CTTNBP2: variants seen among roughly 807,000 people sequenced by gnomAD.
CTTNBP2 encodes the protein cortactin-binding protein 2.
In CTTNBP2, 108 loss-of-function variants were observed where a neutral mutation model predicts 156.9. The observed-to-expected ratio is 0.69, with a 90% CI of 0.59 to 0.81. The LOEUF is 0.81. Among genes scored for constraint, CTTNBP2 ranks in the 30% least tolerant of loss-of-function variants. The pLI is 0.00. For missense variants in CTTNBP2, 1,924 were observed against 2,035.4 expected, an observed-to-expected ratio of 0.95 and a Z score of 1.05; for synonymous variants, 767 against 751.8, an observed-to-expected ratio of 1.02 and a Z score of -0.33.
chr7:117,756,469 C>T (rs1331235259), intron 12 of CTTNBP2, 86 bp downstream of exon 12: 1 of 1,014,316 alleles, frequency 9.9e-7, no homozygotes, highest in Non-Finnish European at 1.6e-6. Flanking sequence ...GGCTTGCACT[C>T]CTCCTTTAAA....
At chr7:117,736,203 C>T (rs1176219981) in intron 14 of CTTNBP2, among the ~76,000 whole-genome samples, 1 of 152,018 alleles carries the variant, frequency 6.6e-6, no homozygotes, top group African/African-American at 2.4e-5. Flanking sequence ...GCTGGTAATC[C>T]CAGCACTTTG....
At chr7:117,737,035 G>C (rs746527527) in intron 14 of CTTNBP2, among the ~76,000 whole-genome samples, 7 of 152,016 alleles carry the variant, frequency 4.6e-5, no homozygotes, top group Non-Finnish European at 1.0e-4. Context: ...GACAGAAATG[G>C]CTCTTCTGGA....
chr7:117,720,950 T>TA, intron 20 of CTTNBP2, 117 bp downstream of exon 20: 1 of 756,782 alleles, frequency 1.3e-6, no homozygotes. Context: ...ATAACTTTTT[T>TA]AAAACCATAT....
chr7:117,717,896 A>G (rs1794532706), intron 22 of CTTNBP2, 122 bp downstream of exon 22: 2 of 647,578 alleles, frequency 3.1e-6, no homozygotes, highest in African/African-American at 3.7e-5. Context: ...CCTTTATCCT[A>G]TTTCTCAGTT....
At position 117,728,269 on chromosome 7, in the gene CTTNBP2, TAG is replaced by T; in HGVS notation, c.3877-4_3877-3del. ...GGGGGAGGGCGCCTGACCTTTGAACTAGAGAGACAGGGAGGTGGAACCCAGGG... is the reference window on the plus strand; with the variant it reads ...GGGGGAGGGCGCCTGACCTTTGAACTAGAGACAGGGAGGTGGAACCCAGGG... On this transcript the variant is annotated splice_region_variant and splice_polypyrimidine_tract_variant and intron_variant, in intron 16 of 22. Transcript: ENST00000160373. 1 of 1,605,416 alleles carries T rather than the reference TAG, an allele frequency of 6.2e-7. No individual in the cohort carries two copies. The highest frequency in any genetic ancestry group is 8.5e-7 in the Non-Finnish European group (1 of 1,175,360).
intron 12 of CTTNBP2, among the ~76,000 whole-genome samples, chr7:117,749,142 C>G (rs1796492774): frequency 6.6e-6 from 1 of 152,226 alleles, no homozygotes; most frequent in African/African-American, 2.4e-5. Context: ...AGGGTGTGTT[C>G]TTCCCTGAGT....
rs201419286 is a variant in CTTNBP2, at chr7:117,847,819, CTTTTTTTTTTTTTT to C, written c.189+13376_189+13389del. 7.3e-4 allele frequency among the ~76,000 whole-genome samples: 67 copies of C among 91,342 alleles called. 1 individual carries two copies. Among genetic ancestry groups the C allele is most frequent in the East Asian group, 2.4e-3 (9 of 3,740 alleles). The allele number at this position is 91,342 out of a possible 152,430, so 59.9% of individuals were successfully genotyped here. On this transcript the variant is annotated intron_variant, in intron 2 of 22. Coordinates refer to ENST00000160373, the MANE Select transcript of CTTNBP2 (RefSeq NM_033427.3). ...TTTTTATAGATCTTCTTTGCCTAACCTTTTTTTTTTTTTTTTTTTTTTTTTTTTTTTGAGACAGA... is the reference window on the plus strand; with the variant it reads ...TTTTTATAGATCTTCTTTGCCTAACCTTTTTTTTTTTTTTTTTGAGACAGA...
At chr7:117,870,835 A>G (rs1804544580) in intron 1 of CTTNBP2, among the ~76,000 whole-genome samples, 2 of 152,244 alleles carry the variant, frequency 1.3e-5, no homozygotes, top group Non-Finnish European at 2.9e-5. Flanking sequence ...TGAATAATGT[A>G]GCTGTTACCC....
At position 117,718,111 on chromosome 7, in the gene CTTNBP2, A is replaced by AT; in HGVS notation, c.4652dup (p.Asp1551GlufsTer5). The AT allele has an allele frequency of 6.2e-7, 1 of 1,609,588 alleles. No homozygotes were observed. Among genetic ancestry groups the AT allele is most frequent in the Admixed American group, 1.7e-5 (1 of 59,956 alleles). The stretch of plus-strand genomic sequence containing the variant: ...CAAACATCCTTAAATCATCCCTGGA[A>AT]TCAGCAATCTAGAAAATACAGAATT... On this transcript the variant is annotated frameshift_variant, in exon 22 of 23. Transcript: ENST00000160373. LOFTEE classifies it high-confidence loss of function.
chr7:117,873,033 G>T (rs576298880), intron 1 of CTTNBP2, among the ~76,000 whole-genome samples: 1 of 152,286 alleles, frequency 6.6e-6, no homozygotes, highest in South Asian at 2.1e-4. Context: ...AGCGGAGGGA[G>T]TGGGCATAGG....
chr7:117,804,914 G>C (rs1484688841), intron 3 of CTTNBP2, among the ~76,000 whole-genome samples: 1 of 152,076 alleles, frequency 6.6e-6, no homozygotes, highest in Non-Finnish European at 1.5e-5. Context: ...ATGTGCCCTG[G>C]AACTTAAAAA....
intron 10 of CTTNBP2, among the ~76,000 whole-genome samples, chr7:117,759,097 T>C (rs972566499): frequency 1.3e-5 from 2 of 152,146 alleles, no homozygotes; most frequent in Admixed American, 6.6e-5. Context: ...CAATTTTAAG[T>C]ACATTATAAC....
intron 2 of CTTNBP2, 62 bp from the exon 3 acceptor site, chr7:117,811,051 TAAG>T: frequency 7.8e-7 from 1 of 1,283,772 alleles, no homozygotes; most frequent in Non-Finnish European, 1.1e-6. Context: ...AAGATATTTA[TAAG>T]AAGGTTTTGT....
chr7:117,832,807 C>A (rs1463002879), intron 2 of CTTNBP2, among the ~76,000 whole-genome samples: 1 of 136,562 alleles, frequency 7.3e-6, no homozygotes, highest in South Asian at 2.3e-4. Context: ...AGTACAGTGG[C>A]GCAATCTCAG....
chr7:117,865,671 C>CAAAAAAAAAAAAAAAAA (rs61533705), intron 1 of CTTNBP2, among the ~76,000 whole-genome samples: 15 of 74,474 alleles, frequency 2.0e-4, no homozygotes, highest in East Asian at 8.0e-4. Flanking sequence ...ACTCCATCTC[C>CAAAAAAAAAAAAAAAAA]AAAAAAAAAA....
At chr7:117,865,671 CAAAAAAA>C (rs61533705) in intron 1 of CTTNBP2, among the ~76,000 whole-genome samples, 8 of 74,520 alleles carry the variant, frequency 1.1e-4, no homozygotes, top group Admixed American at 3.5e-4. Context: ...ACTCCATCTC[CAAAAAAA>C]AAAAAAAAAA....
intron 2 of CTTNBP2, among the ~76,000 whole-genome samples, chr7:117,840,203 A>G (rs1395579945): frequency 6.6e-6 from 1 of 152,238 alleles, no homozygotes; most frequent in Non-Finnish European, 1.5e-5. Context: ...AGTTCCAGAA[A>G]TAGCCTAGAA....
intron 3 of CTTNBP2, among the ~76,000 whole-genome samples, chr7:117,810,496 T>G (rs770732841): frequency 8.5e-5 from 13 of 152,096 alleles, no homozygotes; most frequent in East Asian, 1.9e-4. Flanking sequence ...AACATATATA[T>G]AGAGAGAGAT....
chr7:117,840,565 A>C (rs1490677560), intron 2 of CTTNBP2, among the ~76,000 whole-genome samples: 1 of 152,162 alleles, frequency 6.6e-6, no homozygotes, highest in Non-Finnish European at 1.5e-5. Flanking sequence ...TGCCTCCTCC[A>C]ATGTCCTTTC....
Sources: gnomAD v4.1 joint callset for allele counts (sites outside exome capture counted in the v4.1 genomes callset) on GRCh38, gnomAD v4.1.1 for gene constraint, MANE v1.5 for transcripts, NCBI Gene and HGNC (gene_info 2026-07-23, HGNC 2026-07-21) for gene names.